GPC6: variants seen among roughly 807,000 people sequenced by gnomAD.
GPC6 encodes glypican 6.
A neutral mutation model predicts 55.2 loss-of-function variants in GPC6; 14 were observed. The observed-to-expected ratio is 0.25, with a 90% CI of 0.17 to 0.40. The LOEUF (loss-of-function observed/expected upper bound fraction) is 0.40, where lower values mean the gene tolerates loss of function less well. Among genes scored for constraint, GPC6 ranks in the 10% least tolerant of loss-of-function variants. The pLI is 1.00. For missense variants in GPC6, 641 were observed against 708.5 expected (o/e 0.90, Z 1.08); for synonymous variants, 278 against 259.6 (o/e 1.07, Z -0.68).
At chr13:93,230,722 TTC>T (rs2139000312) in intron 1 of GPC6, among the ~76,000 whole-genome samples, 1 of 152,236 alleles carries the variant, frequency 6.6e-6, no homozygotes, top group African/African-American at 2.4e-5. Flanking sequence ...GTGTGAAACA[TTC>T]TAGTCTTTCC....
At chr13:93,921,107 T>A (rs924210063) in intron 3 of GPC6, among the ~76,000 whole-genome samples, 1 of 152,210 alleles carries the variant, frequency 6.6e-6, no homozygotes, top group Non-Finnish European at 1.5e-5. Context: ...CCTATTTGCA[T>A]TTTTAAAAAG....
intron 4 of GPC6, among the ~76,000 whole-genome samples, chr13:94,233,317 A>C (rs898996803): frequency 6.6e-6 from 1 of 152,148 alleles, no homozygotes; most frequent in African/African-American, 2.4e-5. Flanking sequence ...GGTGCTAAAA[A>C]ATTGGGAGCC....
chr13:94,124,245 C>T (rs1886732584), intron 4 of GPC6, among the ~76,000 whole-genome samples: 1 of 152,086 alleles, frequency 6.6e-6, no homozygotes, highest in Admixed American at 6.6e-5. Flanking sequence ...ACATGCCATT[C>T]AAATTGTTCT....
chr13:93,707,282 T>C (rs1594388160), intron 2 of GPC6, among the ~76,000 whole-genome samples: 1 of 151,748 alleles, frequency 6.6e-6, no homozygotes, highest in East Asian at 2.0e-4. Flanking sequence ...AAATAACTAA[T>C]GGGTACTAGG....
chr13:93,428,385 A>C (rs1949456940), intron 1 of GPC6, among the ~76,000 whole-genome samples: 3 of 152,114 alleles, frequency 2.0e-5, no homozygotes. Context: ...AACAAACAGC[A>C]ATCCACCTCC....
chr13:93,871,699 A>G (rs1889137869), intron 3 of GPC6, among the ~76,000 whole-genome samples: 1 of 152,006 alleles, frequency 6.6e-6, no homozygotes, highest in Non-Finnish European at 1.5e-5. Context: ...ACAAGTTTAT[A>G]GTATTTTTCC....
chr13:93,749,022 T>C (rs897113740), intron 2 of GPC6, among the ~76,000 whole-genome samples: 7 of 152,048 alleles, frequency 4.6e-5, no homozygotes, highest in African/African-American at 1.7e-4. Flanking sequence ...TATTGTTATA[T>C]AGTACATGAG....
At chr13:93,698,176 T>A (rs1882526819) in intron 2 of GPC6, among the ~76,000 whole-genome samples, 1 of 152,144 alleles carries the variant, frequency 6.6e-6, no homozygotes, top group South Asian at 2.1e-4. Context: ...TCAGCTTGAG[T>A]GCTTGTGAGG....
chr13:93,472,751 T>C (rs1879167715), intron 1 of GPC6, among the ~76,000 whole-genome samples: 1 of 152,218 alleles, frequency 6.6e-6, no homozygotes, highest in African/African-American at 2.4e-5. Flanking sequence ...CCTGTTTGTG[T>C]TACAGCCCTT....
intron 1 of GPC6, among the ~76,000 whole-genome samples, chr13:93,318,248 C>A (rs1341141581): frequency 6.6e-6 from 1 of 151,760 alleles, no homozygotes; most frequent in Non-Finnish European, 1.5e-5. Flanking sequence ...TTGAATGGTT[C>A]ATAAATATGT....
chr13:94,145,447 C>T (rs1258304744), intron 4 of GPC6, among the ~76,000 whole-genome samples: 1 of 151,954 alleles, frequency 6.6e-6, no homozygotes, highest in African/African-American at 2.4e-5. Context: ...AGTCATATAG[C>T]CTAGCTACTT....
intron 4 of GPC6, among the ~76,000 whole-genome samples, chr13:94,158,867 C>A (rs536829602): frequency 1.3e-5 from 2 of 152,092 alleles, no homozygotes; most frequent in African/African-American, 4.8e-5. Context: ...CAAGACATAG[C>A]ATATGGCAGC....
chr13:94,372,541 C>T (rs544091693), intron 6 of GPC6, among the ~76,000 whole-genome samples: 3 of 152,018 alleles, frequency 2.0e-5, no homozygotes, highest in East Asian at 1.9e-4. Context: ...GAGTATATCC[C>T]GCACCTGGCT....
intron 1 of GPC6, among the ~76,000 whole-genome samples, chr13:93,424,607 T>TATCATCATC (rs144005214): frequency 0.2 from 30,311 of 151,556 alleles, 3,216 homozygotes; most frequent in Middle Eastern, 0.28. Context: ...AAATACATGG[T>TATCATCATC]ATCATCATCA....
intron 3 of GPC6, among the ~76,000 whole-genome samples, chr13:94,021,663 T>C (rs1441400927): frequency 6.6e-6 from 1 of 152,102 alleles, no homozygotes; most frequent in Non-Finnish European, 1.5e-5. Context: ...AACTCAATGA[T>C]TTTTGTTATT....
At chr13:93,471,195 A>T (rs771197959) in intron 1 of GPC6, among the ~76,000 whole-genome samples, 1 of 151,698 alleles carries the variant, frequency 6.6e-6, no homozygotes, top group Non-Finnish European at 1.5e-5. Flanking sequence ...TAAGATGGAA[A>T]TTTTGAGGTC....
chr13:94,348,793 G>C (rs976206379), intron 6 of GPC6, among the ~76,000 whole-genome samples: 1 of 152,072 alleles, frequency 6.6e-6, no homozygotes, highest in Non-Finnish European at 1.5e-5. Flanking sequence ...TAAATGTTTA[G>C]CCCCTTGAGG....
intron 3 of GPC6, among the ~76,000 whole-genome samples, chr13:93,965,262 T>A (rs1879989569): frequency 6.6e-6 from 1 of 151,618 alleles, no homozygotes; most frequent in African/African-American, 2.4e-5. Flanking sequence ...ATACAAAAAA[T>A]TAGCCGGGCA....
intron 1 of GPC6, among the ~76,000 whole-genome samples, chr13:93,233,300 C>T (rs1254571600): frequency 1.3e-5 from 2 of 150,012 alleles, no homozygotes; most frequent in African/African-American, 2.5e-5. Context: ...TTTTAATAAC[C>T]GTGGATGAAA....
Sources: gnomAD v4.1 joint callset for allele counts (sites outside exome capture counted in the v4.1 genomes callset) on GRCh38, gnomAD v4.1.1 for gene constraint, MANE v1.5 for transcripts, NCBI Gene and HGNC (gene_info 2026-07-23, HGNC 2026-07-21) for gene names.